The following WDR11 variants were observed in gnomAD, a reference collection of about 807,000 sequenced individuals.
WDR11 encodes the protein WD repeat domain 11, also known as WD repeat-containing protein 11.
WDR11 carries 83 observed loss-of-function variants against 151.2 expected under a neutral mutation model. The ratio of observed to expected loss-of-function variants is 0.55; its 90% confidence interval spans 0.46 to 0.66. The LOEUF is 0.66. Among genes scored for constraint, WDR11 ranks in the 30% least tolerant of loss-of-function variants. WDR11 has a pLI of 0.00. For synonymous variants in WDR11, 484 were observed against 533.1 expected (o/e 0.91, Z 1.27); for missense variants, 1,301 against 1,480.9 (o/e 0.88, Z 1.99).
intron 19 of WDR11, among the ~76,000 whole-genome samples, chr10:120,897,801 G>A (rs1410931289): frequency 6.6e-6 from 1 of 152,126 alleles, no homozygotes; most frequent in Non-Finnish European, 1.5e-5. Flanking sequence ...TAATACAGCT[G>A]CCAGGACATT....
chr10:120,884,470 C>T (rs1847143922), intron 14 of WDR11, among the ~76,000 whole-genome samples: 1 of 151,754 alleles, frequency 6.6e-6, no homozygotes, highest in African/African-American at 2.4e-5. Context: ...TACTTAATAC[C>T]GTATAGAGAA....
At position 120,904,748 on chromosome 10, in the gene WDR11, G is replaced by A. The variant is rs1349116058; in HGVS notation, c.3130G>A (p.Gly1044Ser). 1 of 1,614,008 alleles carries A rather than the reference G, an allele frequency of 6.2e-7. No homozygotes were observed. The highest frequency in any genetic ancestry group is 8.5e-7 in the Non-Finnish European group (1 of 1,180,032). Reference sequence around the variant, plus strand: ...TTTAGTCACTACTGTCACCTCGTCAGGCCCCTCTCAGAGCACCATTAAGTT... The same window carrying A: ...TTTAGTCACTACTGTCACCTCGTCAAGCCCCTCTCAGAGCACCATTAAGTT... ...ACLVTTVTSSGPSQSTIKLVA... is the reference protein window; with the variant it reads ...ACLVTTVTSSSPSQSTIKLVA... Residue 1044 changes from glycine (G) to serine (S), a missense_variant, in exon 25 of 29, where the codon GGC becomes AGC. Around this residue, in one of 3 missense-constraint regions of WDR11, gnomAD observed 589 missense variants for 670.6 expected, o/e 0.88. Transcript: ENST00000263461.
At chr10:120,874,105 T>TA (rs1846645317) in intron 11 of WDR11, among the ~76,000 whole-genome samples, 182 bp downstream of exon 11, 1 of 151,810 alleles carries the variant, frequency 6.6e-6, no homozygotes, top group African/African-American at 2.4e-5. Flanking sequence ...CTTTGCTGTG[T>TA]AAAGAACATA....
intron 28 of WDR11, chr10:120,907,561 TTCTC>T (rs1364226059): frequency 6.6e-6 from 1 of 151,542 alleles, no homozygotes; most frequent in African/African-American, 2.4e-5. Flanking sequence ...AGGTACTTGG[TTCTC>T]TCTCTCTTTC....
intron 2 of WDR11, among the ~76,000 whole-genome samples, chr10:120,857,486 C>T (rs1845989164): frequency 2.0e-5 from 3 of 152,226 alleles, no homozygotes; most frequent in African/African-American, 7.2e-5. Flanking sequence ...CATTCTATAC[C>T]TATGAACTTA....
chr10:120,887,368 C>G (rs977117497), intron 16 of WDR11, among the ~76,000 whole-genome samples: 4 of 152,162 alleles, frequency 2.6e-5, no homozygotes, highest in Non-Finnish European at 2.9e-5. Context: ...TCATTTGTGT[C>G]AGCATGCATC....
chr10:120,863,505 A>T (rs1381415356), intron 5 of WDR11, among the ~76,000 whole-genome samples: 4 of 152,232 alleles, frequency 2.6e-5, no homozygotes, highest in Non-Finnish European at 4.4e-5. Context: ...CAATAATGTA[A>T]GTAAAGCATG....
chr10:120,889,736 G>A, intron 17 of WDR11, 159 bp from the exon 18 acceptor site: 1 of 668,432 alleles, frequency 1.5e-6, no homozygotes, highest in South Asian at 1.6e-5. Context: ...TTAAAGGGCA[G>A]GCCCTTTCTG....
rs1322707370 is a variant in WDR11, at chr10:120,905,680, G to GTCCC, written c.3292-196_3292-195insTCCC. ...GTCTGAGCCGAAACTACAGTCCAGAGGTATAGCCAGGCCCTGGGTCCCGTA... is the reference window on the plus strand; with the variant it reads ...GTCTGAGCCGAAACTACAGTCCAGAGTCCCGTATAGCCAGGCCCTGGGTCCCGTA... On this transcript the variant is annotated intron_variant, in intron 26 of 28. Transcript: ENST00000263461. 10 of 1,000,508 alleles carry GTCCC rather than the reference G, an allele frequency of 1.0e-5. No individual in the cohort carries two copies. In the South Asian group the frequency reaches 1.5e-4, roughly 15 times the overall value. 62.0% of individuals were successfully genotyped at this position (1,000,508 alleles called of 1,614,324 possible).
intron 12 of WDR11, 118 bp from the exon 13 acceptor site, chr10:120,880,708 G>T: frequency 1.1e-6 from 1 of 869,596 alleles, no homozygotes; most frequent in South Asian, 1.5e-5. Flanking sequence ...ATGGAAGAAT[G>T]AATAGGAGAA....
intron 1 of WDR11, chr10:120,852,225 A>C: frequency 2.7e-6 from 1 of 369,790 alleles, no homozygotes; most frequent in Non-Finnish European, 5.1e-6. Flanking sequence ...GGATAAGCGA[A>C]AGACGTATGC....
intron 9 of WDR11, among the ~76,000 whole-genome samples, chr10:120,867,615 GC>G (rs1258441096): frequency 6.6e-6 from 1 of 152,082 alleles, no homozygotes; most frequent in African/African-American, 2.4e-5. Flanking sequence ...TAATTTAAAT[GC>G]TCTTCTTTTG....
chr10:120,862,929 A>T lies in WDR11; in HGVS notation c.713+8A>T, dbSNP rs760138183. The T allele has an allele frequency of 2.5e-6, 4 of 1,574,970 alleles. No homozygotes were observed. In the African/African-American group the frequency reaches 5.4e-5, roughly 21 times the overall value. On this transcript the variant is annotated splice_region_variant and intron_variant, in intron 5 of 28. Coordinates refer to ENST00000263461, the MANE Select transcript of WDR11 (RefSeq NM_018117.12). Reference sequence around the variant, plus strand: ...CACTCAAGAGAAACCTAGGTAAGTTACAAGTGTAAAATTAACATTCATCTA... The same window carrying T: ...CACTCAAGAGAAACCTAGGTAAGTTTCAAGTGTAAAATTAACATTCATCTA...
At chr10:120,880,144 C>T (rs1846946260) in intron 12 of WDR11, 1 of 152,120 alleles carries the variant, frequency 6.6e-6, no homozygotes, top group African/African-American at 2.4e-5. Flanking sequence ...TTAAATATTA[C>T]TTTAAATAAG....
chr10:120,856,786 C>T (rs538528882), intron 2 of WDR11, among the ~76,000 whole-genome samples: 43 of 151,874 alleles, frequency 2.8e-4, no homozygotes, highest in African/African-American at 1.0e-3. Flanking sequence ...TATACATATA[C>T]AAATATATAC....
chr10:120,879,269 A>G (rs532926012), intron 12 of WDR11: 20 of 152,268 alleles, frequency 1.3e-4, no homozygotes, highest in East Asian at 5.8e-4. Context: ...TATGTTCTCC[A>G]TATGTATTTT....
In WDR11 at chr10:120,867,927, A is replaced by C. The variant is rs986208682; in HGVS notation, c.1294+758A>C. ...TTCAAAGTTATTTAATTATGAGGCC[A>C]GTATGTATTAAAGGAAGAATGAGAG... is the stretch of plus-strand genomic sequence containing the variant. On this transcript the variant is annotated intron_variant, in intron 9 of 28. Transcript: ENST00000263461. 1.8e-4 allele frequency among the ~76,000 whole-genome samples: 28 copies of C among 152,220 alleles called. 1 individual carries two copies. Among genetic ancestry groups the C allele is most frequent in the Admixed American group, 1.6e-3 (25 of 15,276 alleles).
At chr10:120,864,411 A>G (rs1322972647) in intron 5 of WDR11, among the ~76,000 whole-genome samples, 1 of 152,242 alleles carries the variant, frequency 6.6e-6, no homozygotes, top group Non-Finnish European at 1.5e-5. Context: ...CATTGAATGT[A>G]TGCAACAATC....
At chr10:120,907,884 C>T (rs1848124831) in intron 28 of WDR11, 2 of 151,404 alleles carry the variant, frequency 1.3e-5, no homozygotes, top group South Asian at 4.2e-4. Context: ...TTCAAGCAGT[C>T]CTCTCACCTT....
Sources: allele counts gnomAD v4.1 joint callset (sites outside exome capture counted in the v4.1 genomes callset), GRCh38; gene constraint gnomAD v4.1.1; regional missense constraint gnomAD v4.1.1; transcripts MANE v1.5; gene names NCBI Gene and HGNC (gene_info 2026-07-23, HGNC 2026-07-21).